FRA10AC1: variants seen among roughly 807,000 people sequenced by gnomAD.
FRA10AC1 encodes protein FRA10AC1.
Under a neutral mutation model 56.5 loss-of-function variants are expected in FRA10AC1, and 43 were observed. The observed-to-expected ratio is 0.76, with a 90% CI of 0.60 to 0.98. The LOEUF is 0.98. Ranked by LOEUF, FRA10AC1 falls within the 50% of genes least tolerant of loss-of-function variation. The pLI, the probability that FRA10AC1 is intolerant of heterozygous loss-of-function variation, is 0.00. For synonymous variants in FRA10AC1, 112 were observed against 110.5 expected, an observed-to-expected ratio of 1.01 and a Z score of -0.09; for missense variants, 346 against 351.8, an observed-to-expected ratio of 0.98 and a Z score of 0.13.
intron 7 of FRA10AC1, among the ~76,000 whole-genome samples, chr10:93,691,337 G>A (rs547771959): frequency 5.3e-5 from 8 of 151,910 alleles, no homozygotes; most frequent in South Asian, 4.2e-4. Context: ...CACTGCACCT[G>A]GCTAATTTTT....
intron 12 of FRA10AC1, chr10:93,673,884 CA>C: frequency 3.1e-6 from 1 of 317,864 alleles, no homozygotes; most frequent in Non-Finnish European, 6.3e-6. Flanking sequence ...ATGCATATGC[CA>C]AAACTGAGGT....
chr10:93,694,467 G>A (rs1469152695), intron 5 of FRA10AC1, among the ~76,000 whole-genome samples: 4 of 152,040 alleles, frequency 2.6e-5, no homozygotes, highest in Non-Finnish European at 5.9e-5. Context: ...TGTAATCCCA[G>A]CAGTTTGGGA....
chr10:93,700,310 ATTTT>A lies in FRA10AC1; in HGVS notation c.1-208_1-205del, dbSNP rs533822306. The stretch of plus-strand genomic sequence containing the variant: ...CATACCTTTCAGGAAATGCATCAAC[ATTTT>A]TCACCCTTAATTATCATTAGGTGAA... On this transcript the variant is annotated intron_variant, in intron 1 of 13. Transcript: ENST00000359204. 3.1e-3 allele frequency among the ~76,000 whole-genome samples: 479 copies of A among 152,244 alleles called. 3 individuals carry two copies. The highest frequency in any genetic ancestry group is 0.011 in the African/African-American group (464 of 41,532).
rs769873184 is a variant in FRA10AC1 at position 93,687,433 on chromosome 10, C to T, written c.482G>A (p.Arg161Gln). 11 of 1,515,316 alleles carry T rather than the reference C, an allele frequency of 7.3e-6. No individual in the cohort carries two copies. The highest frequency in any genetic ancestry group is 3.6e-5 in the South Asian group (3 of 82,526). The allele number at this position is 1,515,316 out of a possible 1,614,324, so 93.9% of individuals were successfully genotyped here. A position where few individuals can be genotyped will look rare whatever the true frequency, so the allele number is the denominator to read the frequency against. The change falls in exon 8 of 14, where the codon CGA becomes CAA. Residue 161 changes from arginine (R) to glutamine (Q), a missense_variant. Arg to Gln is a conservative substitution (Grantham distance 43, BLOSUM62 1). Coordinates refer to ENST00000359204, the MANE Select transcript of FRA10AC1 (RefSeq NM_145246.5). ...TCCTGAAATTACTTCTTTTTCTACT[C>T]GCCACCTAAATCCAAACTGATAATA... The part of the protein sequence containing the change: ...YKENKFGFRW[R>Q]VEKEVISGKG...
chr10:93,692,705 A>G lies in FRA10AC1; in HGVS notation c.321T>C (p.Asp107=). ...RLGENDKTDL[D]VIRENHRFLW... is the part of the protein sequence containing the mutation. Reference sequence around the variant, plus strand: ...GGAATCTATGATTTTCTCGTATAACATCCAAGTCTGTCTTGTCATTTTCCC... The same window carrying G: ...GGAATCTATGATTTTCTCGTATAACGTCCAAGTCTGTCTTGTCATTTTCCC... Residue 107 remains aspartate (D), a synonymous_variant, in exon 6 of 14, where the codon GAT becomes GAC. Transcript: ENST00000359204. 2 of 1,590,118 alleles carry G rather than the reference A, an allele frequency of 1.3e-6. No homozygotes were observed. The highest frequency in any genetic ancestry group is 8.5e-7 in the Non-Finnish European group (1 of 1,170,366).
intron 8 of FRA10AC1, 139 bp downstream of exon 8, chr10:93,687,265 T>C (rs1320925155): frequency 4.9e-6 from 3 of 610,440 alleles, no homozygotes; most frequent in Middle Eastern, 4.8e-4. Context: ...TAATAATGTA[T>C]CATGAATACA....
At chr10:93,680,974 G>T (rs1213518694) in intron 11 of FRA10AC1, among the ~76,000 whole-genome samples, 1 of 152,090 alleles carries the variant, frequency 6.6e-6, no homozygotes, top group Non-Finnish European at 1.5e-5. Flanking sequence ...CTCATTTCTA[G>T]AAACTCATAA....
intron 11 of FRA10AC1, among the ~76,000 whole-genome samples, chr10:93,680,744 C>A (rs937031576): frequency 2.0e-5 from 3 of 152,154 alleles, no homozygotes; most frequent in Non-Finnish European, 2.9e-5. Context: ...CTAGAAGTAA[C>A]CTTCATAATA....
At chr10:93,696,304 C>T (rs560337199) in intron 4 of FRA10AC1, among the ~76,000 whole-genome samples, 1 of 152,260 alleles carries the variant, frequency 6.6e-6, no homozygotes, top group African/African-American at 2.4e-5. Flanking sequence ...ACTAAAAAAT[C>T]GTCAACAAAA....
intron 8 of FRA10AC1, among the ~76,000 whole-genome samples, chr10:93,686,373 A>G (rs1169826007): frequency 6.6e-6 from 1 of 151,848 alleles, no homozygotes; most frequent in African/African-American, 2.4e-5. Flanking sequence ...CCCTTTCCTA[A>G]CTAGTCTTTT....
intron 2 of FRA10AC1, among the ~76,000 whole-genome samples, chr10:93,698,822 C>T (rs191817853): frequency 1.6e-4 from 25 of 152,338 alleles, no homozygotes; most frequent in Admixed American, 1.4e-3. Flanking sequence ...AGATCCAGCT[C>T]GCCCAACCCA....
intron 4 of FRA10AC1, among the ~76,000 whole-genome samples, chr10:93,697,274 TG>T (rs1264267054): frequency 3.3e-5 from 5 of 152,060 alleles, no homozygotes; most frequent in Non-Finnish European, 7.4e-5. Flanking sequence ...AAGGAACAAA[TG>T]GCAGATGAGA....
chr10:93,673,175 G>T, intron 12 of FRA10AC1: 1 of 370,794 alleles, frequency 2.7e-6, no homozygotes, highest in Non-Finnish European at 5.2e-6. Flanking sequence ...CAGTTCTAAG[G>T]GACAAGTTTT....
At chr10:93,689,747 T>C (rs373052287) in intron 7 of FRA10AC1, among the ~76,000 whole-genome samples, 13 of 152,340 alleles carry the variant, frequency 8.5e-5, no homozygotes, top group African/African-American at 3.1e-4. Context: ...ATAAATGTCC[T>C]AGTTTGGATT....
chr10:93,693,802 T>C (rs2059183432), intron 5 of FRA10AC1, among the ~76,000 whole-genome samples: 1 of 151,272 alleles, frequency 6.6e-6, no homozygotes, highest in African/African-American at 2.4e-5. Context: ...GAGGCCATTA[T>C]TCTAAGTGAA....
At chr10:93,674,773 C>T (rs2058817236) in intron 12 of FRA10AC1, 1 of 152,044 alleles carries the variant, frequency 6.6e-6, no homozygotes, top group Admixed American at 6.5e-5. Flanking sequence ...ATCAGTGATT[C>T]AAGAATTTGC....
Position 93,695,031 on chromosome 10 carries a change from G to C in FRA10AC1, c.220-94C>G, listed in dbSNP as rs1423021857. On this transcript the variant is annotated intron_variant, in intron 4 of 13. Transcript: ENST00000359204. ...GGTGGTAAAAAAAAGCACAATATGA[G>C]TCTATTTAGCTTTTTAAAAATATTC... The C allele has an allele frequency of 9.9e-6, 7 of 704,134 alleles. No homozygotes were observed. In the East Asian group the frequency reaches 1.5e-4, roughly 15 times the overall value. The allele number at this position is 704,134 out of a possible 1,614,324, so 43.6% of individuals were successfully genotyped here.
Position 93,684,081 on chromosome 10 carries a change from A to C in FRA10AC1, c.643T>G (p.Ser215Ala), listed in dbSNP as rs2058982895. 4 of 1,607,272 alleles carry C rather than the reference A, an allele frequency of 2.5e-6. No homozygotes were observed. The highest frequency in any genetic ancestry group is 4.5e-5 in the East Asian group (2 of 44,754). The change falls in exon 10 of 14, where the codon TCC becomes GCC. Residue 215 changes from serine to alanine, a missense_variant. Physicochemically the swap from Ser to Ala is moderately conservative, Grantham distance 99. Coordinates refer to ENST00000359204, the MANE Select transcript of FRA10AC1 (RefSeq NM_145246.5). ...LVKLRLCQEC[S>A]IKLNFHHRRK... ...CTGTGATGGAAATTTAATTTAATGG[A>C]ACATTCTTGGCATAACCCTAAAAAG...
At chr10:93,694,388 G>A (rs2059192416) in intron 5 of FRA10AC1, among the ~76,000 whole-genome samples, 4 of 152,160 alleles carry the variant, frequency 2.6e-5, no homozygotes, top group African/African-American at 9.6e-5. Context: ...AGCTACTCAG[G>A]AGCTGTGGAT....
Sources: allele counts gnomAD v4.1 joint callset (sites outside exome capture counted in the v4.1 genomes callset), GRCh38; gene constraint gnomAD v4.1.1; transcripts MANE v1.5; gene names NCBI Gene and HGNC (gene_info 2026-07-23, HGNC 2026-07-21).